The following FAM53B variants were observed in gnomAD, a reference collection of about 807,000 sequenced individuals.
FAM53B encodes the protein protein FAM53B.
FAM53B carries 12 observed loss-of-function variants against 32.7 expected under a neutral mutation model. That is an observed-to-expected ratio of 0.37 (90% CI 0.24 to 0.59). The LOEUF (loss-of-function observed/expected upper bound fraction) is 0.59. FAM53B is among the 20% of genes least tolerant of loss of function. FAM53B has a pLI of 0.72. For missense variants in FAM53B, 477 were observed against 577.7 expected (o/e 0.83, Z 1.79); for synonymous variants, 234 against 228.7 (o/e 1.02, Z -0.21).
intron 4 of FAM53B, among the ~76,000 whole-genome samples, chr10:124,647,668 T>C (rs1191936509): frequency 6.6e-6 from 1 of 152,124 alleles, no homozygotes; most frequent in Admixed American, 6.5e-5. Context: ...GGAAGGCCTG[T>C]ACCCTTTCCA....
intron 4 of FAM53B, among the ~76,000 whole-genome samples, chr10:124,632,107 C>T (rs556191895): frequency 9.3e-4 from 141 of 152,336 alleles, no homozygotes; most frequent in African/African-American, 3.2e-3. Flanking sequence ...CAGAGCCACG[C>T]GTGTCCTCTG....
At chr10:124,696,054 T>C (rs1393393704) in intron 3 of FAM53B, 104 bp downstream of exon 3, 8 of 950,016 alleles carry the variant, frequency 8.4e-6, no homozygotes, top group Non-Finnish European at 1.4e-5. Context: ...GCTGCTCTTT[T>C]TGAACTTGTG....
intron 1 of FAM53B, among the ~76,000 whole-genome samples, chr10:124,720,786 A>G (rs772958629): frequency 1.3e-5 from 2 of 152,246 alleles, no homozygotes; most frequent in Non-Finnish European, 2.9e-5. Context: ...GGAAGTGAAA[A>G]CTATTAACAA....
intron 2 of FAM53B, chr10:124,705,765 C>A (rs1011493109): frequency 1.3e-5 from 2 of 152,288 alleles, no homozygotes; most frequent in African/African-American, 4.8e-5. Flanking sequence ...AGACCTAGGT[C>A]TATCTGCTCA....
At chr10:124,699,253 A>G (rs1449272742) in intron 2 of FAM53B, among the ~76,000 whole-genome samples, 2 of 152,246 alleles carry the variant, frequency 1.3e-5, no homozygotes, top group Non-Finnish European at 2.9e-5. Flanking sequence ...AGCAGGCACC[A>G]TGGCTACAGC....
At chr10:124,645,158 C>T (rs1012133955) in intron 4 of FAM53B, among the ~76,000 whole-genome samples, 3 of 152,202 alleles carry the variant, frequency 2.0e-5, no homozygotes, top group East Asian at 1.9e-4. Context: ...ATGGGGTAGC[C>T]GGGGCAACTC....
intron 1 of FAM53B, among the ~76,000 whole-genome samples, chr10:124,719,062 A>AGAAGAAAGAAGGAAGAAGAC (rs1293952687): frequency 1.6e-4 from 25 of 152,270 alleles, no homozygotes; most frequent in African/African-American, 5.8e-4. Flanking sequence ...AAAAAGAAGA[A>AGAAGAAAGAAGGAAGAAGAC]GAAGAAAGAA....
chr10:124,729,804 G>A (rs1374768985), intron 1 of FAM53B, among the ~76,000 whole-genome samples: 2 of 152,180 alleles, frequency 1.3e-5, no homozygotes. Flanking sequence ...GCACAAATGT[G>A]GGGGAGATGG....
At chr10:124,681,154 A>G (rs1013780291) in intron 4 of FAM53B, among the ~76,000 whole-genome samples, 9 of 152,304 alleles carry the variant, frequency 5.9e-5, no homozygotes, top group Admixed American at 2.0e-4. Flanking sequence ...AGTCCCCCCA[A>G]TCGCTAGCTC....
At chr10:124,644,695 C>T (rs1322618449) in intron 4 of FAM53B, among the ~76,000 whole-genome samples, 1 of 152,116 alleles carries the variant, frequency 6.6e-6, no homozygotes, top group Non-Finnish European at 1.5e-5. Context: ...ATGTCAGTTT[C>T]CCACATGGCT....
intron 4 of FAM53B, among the ~76,000 whole-genome samples, chr10:124,644,207 C>T (rs1159606625): frequency 6.6e-6 from 1 of 152,190 alleles, no homozygotes; most frequent in Non-Finnish European, 1.5e-5. Flanking sequence ...CCCCACCGAG[C>T]CTGCCTCAAT....
intron 1 of FAM53B, among the ~76,000 whole-genome samples, chr10:124,721,937 C>T (rs1432799510): frequency 6.6e-6 from 1 of 152,088 alleles, no homozygotes; most frequent in Non-Finnish European, 1.5e-5. Context: ...AAGGACGAAA[C>T]GCAGCTTTCT....
chr10:124,679,545 C>G (rs1281903805), intron 4 of FAM53B, among the ~76,000 whole-genome samples: 1 of 152,262 alleles, frequency 6.6e-6, no homozygotes, highest in Non-Finnish European at 1.5e-5. Context: ...GGAGAGAGGG[C>G]TGACCAGGGT....
chr10:124,682,474 T>C lies in FAM53B; in HGVS notation c.134-95A>G. The C allele has an allele frequency of 1.8e-6, 2 of 1,135,958 alleles. No homozygotes were observed. Among genetic ancestry groups the C allele is most frequent in the Non-Finnish European group, 2.5e-6 (2 of 814,262 alleles). The allele number at this position is 1,135,958 out of a possible 1,614,324, so 70.4% of individuals were successfully genotyped here. A position where few individuals can be genotyped will look rare whatever the true frequency, so the allele number is the denominator to read the frequency against. ...CACCAACAGCCCGTTTCAAACACAG[T>C]ATCTTAGAGCCAAAAGGCCCTTAGA... is the stretch of plus-strand genomic sequence containing the variant. On this transcript the variant is annotated intron_variant, in intron 3 of 4. Coordinates refer to ENST00000337318, the MANE Select transcript of FAM53B (RefSeq NM_014661.4). This position sits in a 1 kb window ranked among gnomAD's most constrained non-coding sequence, Gnocchi z 5.2.
intron 4 of FAM53B, among the ~76,000 whole-genome samples, chr10:124,635,766 GC>G (rs1241789285): frequency 6.6e-6 from 1 of 152,324 alleles, no homozygotes; most frequent in East Asian, 1.9e-4. Flanking sequence ...AGCTGAAGCA[GC>G]CCGGAGGAGT....
At chr10:124,648,024 G>C (rs1949530517) in intron 4 of FAM53B, among the ~76,000 whole-genome samples, 1 of 152,194 alleles carries the variant, frequency 6.6e-6, no homozygotes, top group Non-Finnish European at 1.5e-5. Flanking sequence ...GGACGCCATG[G>C]GGCTGGCTGA....
chr10:124,675,302 G>A (rs903890848), intron 4 of FAM53B, among the ~76,000 whole-genome samples: 1 of 152,196 alleles, frequency 6.6e-6, no homozygotes, highest in African/African-American at 2.4e-5. Context: ...AAGCAGGGAA[G>A]ATGAGGACTA....
intron 3 of FAM53B, among the ~76,000 whole-genome samples, chr10:124,685,037 G>T (rs1321816918): frequency 6.6e-6 from 1 of 152,226 alleles, no homozygotes; most frequent in East Asian, 1.9e-4. Context: ...ATAACATGGA[G>T]CATGAAGAAG....
chr10:124,743,315 C>T (rs528417620), intron 1 of FAM53B, among the ~76,000 whole-genome samples: 17 of 152,360 alleles, frequency 1.1e-4, no homozygotes, highest in Admixed American at 1.0e-3. Context: ...AAAAATGTGA[C>T]TCGACCAGTG....
Sources: allele counts gnomAD v4.1 joint callset (sites outside exome capture counted in the v4.1 genomes callset), GRCh38; gene constraint gnomAD v4.1.1; non-coding constraint Gnocchi (gnomAD v3.1); transcripts MANE v1.5; gene names NCBI Gene and HGNC (gene_info 2026-07-23, HGNC 2026-07-21).